SYNC: variants seen among roughly 807,000 people sequenced by gnomAD.
SYNC encodes the protein syncoilin.
A neutral mutation model predicts 49.5 loss-of-function variants in SYNC; 38 were observed. The observed-to-expected ratio is 0.77, with a 90% CI of 0.59 to 1.01. SYNC has a LOEUF of 1.01. Among genes scored for constraint, SYNC ranks in the 50% least tolerant of loss-of-function variants. The pLI is 0.00. For synonymous variants in SYNC, 201 were observed against 230.8 expected (o/e 0.87, Z 1.17); for missense variants, 579 against 580.6 (o/e 1.00, Z 0.03).
Position 32,687,340 on chromosome 1 carries a change from G to C in SYNC, c.1234-2958C>G, listed in dbSNP as rs1203522967. On this transcript the variant is annotated intron_variant, in intron 2 of 4. Coordinates refer to ENST00000409190, the MANE Select transcript of SYNC (RefSeq NM_030786.3). ...CGTGCCATTGCACTCCAGCCTGGGG[G>C]ACAAGAGCGAGACTTCATCTCAAAA... Among the ~76,000 whole-genome samples the C allele has an allele frequency of 1.8e-4, 24 of 129,742 alleles. No homozygotes were observed. In the Admixed American group the frequency reaches 2.1e-3, roughly 11 times the overall value. 85.1% of individuals were successfully genotyped at this position (129,742 alleles called of 152,430 possible). A position where few individuals can be genotyped will look rare whatever the true frequency, so the allele number is the denominator to read the frequency against.
intron 2 of SYNC, among the ~76,000 whole-genome samples, chr1:32,689,235 CTTTTTTTTTTTT>C (rs71006360): frequency 0.15 from 6,426 of 41,680 alleles, 1,154 homozygotes; most frequent in African/African-American, 0.41. Flanking sequence ...CTCGCCTGGC[CTTTTTTTTTTTT>C]TTTTTTTTTT....
chr1:32,698,932 C>T (rs978823215), intron 1 of SYNC, among the ~76,000 whole-genome samples: 1 of 151,618 alleles, frequency 6.6e-6, no homozygotes, highest in Admixed American at 6.6e-5. Flanking sequence ...AGGCACGTAG[C>T]GCCACACCCG....
At chr1:32,700,985 C>T (rs564508937) in intron 1 of SYNC, among the ~76,000 whole-genome samples, 12 of 151,934 alleles carry the variant, frequency 7.9e-5, no homozygotes, top group South Asian at 4.2e-4. Context: ...GTGTAATCTC[C>T]GCTCACTGCA....
chr1:32,692,749 CTG>C (rs1322240200), intron 2 of SYNC, among the ~76,000 whole-genome samples: 3 of 151,662 alleles, frequency 2.0e-5, no homozygotes, highest in Non-Finnish European at 4.4e-5. Flanking sequence ...GAGCGAGACT[CTG>C]TAAAAATAAC....
At chr1:32,697,352 C>T (rs1650478405) in intron 1 of SYNC, among the ~76,000 whole-genome samples, 1 of 151,344 alleles carries the variant, frequency 6.6e-6, no homozygotes, top group Admixed American at 6.6e-5. Context: ...AGGAGAATCT[C>T]TTGAACTTCA....
chr1:32,701,615 T>C (rs769904693), intron 1 of SYNC, among the ~76,000 whole-genome samples: 5 of 152,150 alleles, frequency 3.3e-5, no homozygotes, highest in Non-Finnish European at 7.4e-5. Flanking sequence ...GTGCCAGGCC[T>C]CTGCTGGGTG....
In SYNC at chr1:32,680,873, T is replaced by G. The variant is rs1649389741; in HGVS notation, c.*977A>C. The G allele has an allele frequency of 3.6e-6, 1 of 278,182 alleles. No individual in the cohort carries two copies. The highest frequency in any genetic ancestry group is 6.7e-6 in the Non-Finnish European group (1 of 149,812). The allele number at this position is 278,182 out of a possible 1,614,324, so 17.2% of individuals were successfully genotyped here. On this transcript the variant is annotated 3_prime_UTR_variant, in exon 5 of 5. Transcript: ENST00000409190. ...ATCAGAGGTGGCACAGATTAGTCTT[T>G]GATAAGGTAACGTTTCTTTGAAGTC... is the stretch of plus-strand genomic sequence containing the variant.
rs1649391242 is a variant in SYNC, at chr1:32,680,899, T to C, written c.*951A>G. Reference sequence around the variant, plus strand: ...GATAAGGTAACGTTTCTTTGAAGTCTATCTGTAGAGAACTACATGGACTTC... The same window carrying C: ...GATAAGGTAACGTTTCTTTGAAGTCCATCTGTAGAGAACTACATGGACTTC... On this transcript the variant is annotated 3_prime_UTR_variant, in exon 5 of 5. Coordinates refer to ENST00000409190, the MANE Select transcript of SYNC (RefSeq NM_030786.3). The C allele has an allele frequency of 4.2e-6, 1 of 239,010 alleles. No individual in the cohort carries two copies. The highest frequency in any genetic ancestry group is 2.2e-5 in the African/African-American group (1 of 44,582). 14.8% of individuals were successfully genotyped at this position (239,010 alleles called of 1,614,324 possible). A position where few individuals can be genotyped will look rare whatever the true frequency, so the allele number is the denominator to read the frequency against.
intron 1 of SYNC, among the ~76,000 whole-genome samples, chr1:32,699,346 G>T (rs1467015885): frequency 1.3e-5 from 2 of 150,670 alleles, no homozygotes; most frequent in Non-Finnish European, 3.0e-5. Context: ...TAGAGACAGG[G>T]TTTCACCATG....
At chr1:32,700,562 T>C (rs565519670) in intron 1 of SYNC, among the ~76,000 whole-genome samples, 3 of 152,214 alleles carry the variant, frequency 2.0e-5, no homozygotes, top group Admixed American at 2.0e-4. Flanking sequence ...CTGGGTATGG[T>C]GGTGTGTGCC....
At chr1:32,684,112 TC>T in intron 3 of SYNC, 23 bp from the exon 4 acceptor site, 2 of 1,612,506 alleles carry the variant, frequency 1.2e-6, no homozygotes, top group Admixed American at 1.7e-5. Flanking sequence ...AGAGCCATTT[TC>T]CATGTGTTTT....
At chr1:32,683,705 C>G in intron 4 of SYNC, 2 of 290,382 alleles carry the variant, frequency 6.9e-6, no homozygotes, top group South Asian at 8.0e-5. Context: ...GTGATCTTGA[C>G]TCACTGCAAC....
chr1:32,688,446 T>C (rs541681115), intron 2 of SYNC, among the ~76,000 whole-genome samples: 1 of 152,150 alleles, frequency 6.6e-6, no homozygotes, highest in Non-Finnish European at 1.5e-5. Flanking sequence ...GACAGTGCCT[T>C]ATCACTACAG....
chr1:32,700,347 C>T (rs1175178376), intron 1 of SYNC, among the ~76,000 whole-genome samples: 2 of 152,212 alleles, frequency 1.3e-5, no homozygotes, highest in African/African-American at 4.8e-5. Flanking sequence ...GGAATGACTT[C>T]ACCGTGTTCA....
At chr1:32,684,683 G>A (rs963252908) in intron 2 of SYNC, 9 of 289,432 alleles carry the variant, frequency 3.1e-5, no homozygotes, top group African/African-American at 1.9e-4. Flanking sequence ...TCATTGAGGA[G>A]GATTTTGGTC....
chr1:32,686,914 C>A (rs912089478), intron 2 of SYNC, among the ~76,000 whole-genome samples: 1 of 152,172 alleles, frequency 6.6e-6, no homozygotes, highest in African/African-American at 2.4e-5. Context: ...ACCCCAAAAG[C>A]TGGCCAAATT....
rs1049616310 is a variant in SYNC at position 32,695,969 on chromosome 1, T to C, written c.129A>G (p.Pro43=). The change falls in exon 2 of 5, where the codon CCA becomes CCG. Residue 43 remains proline (P), a synonymous_variant. Transcript: ENST00000409190. ...GSLNEAEALN[P]EVTLSSEGSL... is the part of the protein sequence containing the mutation. ...ACCCCTCTGAAGATAGAGTAACTTC[T>C]GGGTTCAAGGCTTCTGCCTCATTTA... is the stretch of plus-strand genomic sequence containing the variant. The C allele has an allele frequency of 6.5e-7, 1 of 1,545,384 alleles. No homozygotes were observed. The highest frequency in any genetic ancestry group is 8.7e-7 in the Non-Finnish European group (1 of 1,146,982).
At position 32,695,755 on chromosome 1, in the gene SYNC, G is replaced by A; in HGVS notation, c.343C>T (p.Pro115Ser). 1.3e-6 allele frequency: 2 copies of A among 1,551,542 alleles called. No homozygotes were observed. Among genetic ancestry groups the A allele is most frequent in the East Asian group, 2.4e-5 (1 of 40,876 alleles). The change falls in exon 2 of 5, where the codon CCA becomes TCA. Residue 115 changes from proline (P) to serine (S), a missense_variant. Physicochemically the swap from Pro to Ser is moderately conservative, Grantham distance 74. Coordinates refer to ENST00000409190, the MANE Select transcript of SYNC (RefSeq NM_030786.3). ...ETVCVEETTE[P>S]DRIQFVEGPV... ...CCCTCCACAAACTGTATCCGATCTG[G>A]CTCCGTGGTTTCCTCCACACACACT...
chr1:32,697,227 A>C (rs1442919212), intron 1 of SYNC, among the ~76,000 whole-genome samples: 4 of 151,562 alleles, frequency 2.6e-5, no homozygotes, highest in Admixed American at 6.6e-5. Context: ...GGATCACCTG[A>C]GGTCGGGAGT....
Sources: allele counts gnomAD v4.1 joint callset (sites outside exome capture counted in the v4.1 genomes callset), GRCh38; gene constraint gnomAD v4.1.1; transcripts MANE v1.5; gene names NCBI Gene and HGNC (gene_info 2026-07-23, HGNC 2026-07-21).